The following AKAP12 variants were observed in gnomAD, a reference collection of about 807,000 sequenced individuals.
The protein encoded by AKAP12 is A-kinase anchoring protein 12.
Under a neutral mutation model 79.9 loss-of-function variants are expected in AKAP12, and 32 were observed. The observed-to-expected ratio is 0.40, with a 90% CI of 0.30 to 0.54. AKAP12 has a LOEUF of 0.54. Ranked by LOEUF, AKAP12 falls within the 20% of genes least tolerant of loss-of-function variation. The pLI, the probability that AKAP12 is intolerant of heterozygous loss-of-function variation, is 0.48. For missense variants in AKAP12, 2,074 were observed against 2,177.0 expected (o/e 0.95, Z 0.94); for synonymous variants, 808 against 857.0 (o/e 0.94, Z 1.00).
At chr6:151,337,098 A>T (rs1434486015) in intron 3 of AKAP12, among the ~76,000 whole-genome samples, 1 of 152,202 alleles carries the variant, frequency 6.6e-6, no homozygotes, top group Non-Finnish European at 1.5e-5. Flanking sequence ...AATATCGGAT[A>T]GCCTCCTCTA....
chr6:151,290,182 T>G (rs1163530424), intron 2 of AKAP12, among the ~76,000 whole-genome samples: 2 of 152,158 alleles, frequency 1.3e-5, no homozygotes, highest in African/African-American at 4.8e-5. Context: ...CTAGAATTGT[T>G]GAATTCCTTC....
At chr6:151,322,497 C>T (rs908897248) in intron 3 of AKAP12, among the ~76,000 whole-genome samples, 7 of 152,212 alleles carry the variant, frequency 4.6e-5, no homozygotes, top group South Asian at 4.1e-4. Context: ...AAGTAAACTC[C>T]GAACCTCATA....
intron 2 of AKAP12, among the ~76,000 whole-genome samples, chr6:151,259,400 A>G (rs536720133): frequency 5.3e-5 from 8 of 149,976 alleles, no homozygotes; most frequent in South Asian, 2.1e-4. Flanking sequence ...AAAAAATAGC[A>G]TATATATTTA....
At chr6:151,309,885 G>C (rs1445058637) in intron 3 of AKAP12, among the ~76,000 whole-genome samples, 1 of 151,788 alleles carries the variant, frequency 6.6e-6, no homozygotes, top group African/African-American at 2.4e-5. Flanking sequence ...TAACTAAAAA[G>C]TGCTGTCATG....
chr6:151,316,627 T>A (rs1050129089), intron 3 of AKAP12, among the ~76,000 whole-genome samples: 9 of 152,026 alleles, frequency 5.9e-5, no homozygotes, highest in Non-Finnish European at 7.4e-5. Flanking sequence ...GTGTCCAAAT[T>A]TCCTGTTCTT....
chr6:151,241,221 C>T (rs1393970526), intron 2 of AKAP12, among the ~76,000 whole-genome samples: 1 of 152,210 alleles, frequency 6.6e-6, no homozygotes, highest in East Asian at 1.9e-4. Context: ...CCCTGGATGC[C>T]AGCGGTGCCT....
In AKAP12 at chr6:151,351,100, T is replaced by C. The variant is rs1200897456; in HGVS notation, c.2709T>C (p.Ala903=). ...AAAVADGTRA[A]TIIEERSPSW... is the part of the protein sequence containing the mutation. The stretch of plus-strand genomic sequence containing the variant: ...CTGTCGCTGACGGGACGAGGGCAGC[T>C]ACCATTATTGAAGAAAGGTCTCCTT... The change falls in exon 4 of 5, where the codon GCT becomes GCC. Residue 903 remains alanine (A), a synonymous_variant. Transcript: ENST00000402676. The surrounding 1 kb of genome is among the most constrained non-coding windows in gnomAD (Gnocchi z 4.4). 3.1e-6 allele frequency: 5 copies of C among 1,614,218 alleles called. No individual in the cohort carries two copies. Among genetic ancestry groups the C allele is most frequent in the Non-Finnish European group, 4.2e-6 (5 of 1,180,038 alleles).
chr6:151,262,250 C>T lies in AKAP12; in HGVS notation c.162+21526C>T, dbSNP rs372209288. ...GATAACAGGCATGAGCCACTGCGCC[C>T]GGCCCAAAACAATGGTTTTTAGATG... On this transcript the variant is annotated intron_variant, in intron 2 of 4. Coordinates refer to ENST00000402676, the MANE Select transcript of AKAP12 (RefSeq NM_005100.4). Among the ~76,000 whole-genome samples, 161 of 152,318 alleles carry T rather than the reference C, an allele frequency of 1.1e-3. 1 individual carries two copies. Among genetic ancestry groups the T allele is most frequent in the African/African-American group, 3.6e-3 (149 of 41,570 alleles).
chr6:151,274,077 T>TG (rs1395972529), intron 2 of AKAP12, among the ~76,000 whole-genome samples: 1 of 140,344 alleles, frequency 7.1e-6, no homozygotes. Context: ...CCCTCAGTTC[T>TG]TTTTTTTTTT....
intron 2 of AKAP12, chr6:151,280,517 A>G (rs1310129923): frequency 6.6e-6 from 1 of 152,064 alleles, no homozygotes; most frequent in African/African-American, 2.4e-5. Flanking sequence ...CTGTATATAA[A>G]AATATGGAAC....
chr6:151,248,196 GAC>G (rs1797112242), intron 2 of AKAP12, among the ~76,000 whole-genome samples: 1 of 151,810 alleles, frequency 6.6e-6, no homozygotes, highest in South Asian at 2.1e-4. Context: ...GCTTTTCAAA[GAC>G]ACCCCTACAC....
chr6:151,260,894 A>C (rs1797414478), intron 2 of AKAP12, among the ~76,000 whole-genome samples: 1 of 152,160 alleles, frequency 6.6e-6, no homozygotes, highest in South Asian at 2.1e-4. Context: ...CGGGAGGCTG[A>C]CACAGGAGAA....
chr6:151,282,582 TA>T (rs1776431348), intron 2 of AKAP12, among the ~76,000 whole-genome samples: 2 of 152,264 alleles, frequency 1.3e-5, no homozygotes, highest in South Asian at 4.1e-4. Context: ...AGGTGGATGT[TA>T]ATTTCAGGAA....
At chr6:151,292,082 G>GT (rs1776635078) in intron 2 of AKAP12, among the ~76,000 whole-genome samples, 2 of 152,236 alleles carry the variant, frequency 1.3e-5, no homozygotes, top group African/African-American at 4.8e-5. Context: ...CAGGACAGTT[G>GT]TTTGTGGATT....
chr6:151,240,875 G>A (rs1237071924), intron 2 of AKAP12, 151 bp downstream of exon 2: 4 of 775,530 alleles, frequency 5.2e-6, no homozygotes, highest in African/African-American at 1.8e-5. Context: ...CTCTTTGGAG[G>A]CTTTTCAGGG....
intron 2 of AKAP12, among the ~76,000 whole-genome samples, chr6:151,279,733 A>C (rs935221256): frequency 4.6e-5 from 7 of 151,870 alleles, no homozygotes; most frequent in Admixed American, 2.0e-4. Flanking sequence ...AGTCCTAGCT[A>C]CTGGGGGGAG....
chr6:151,329,582 T>G (rs1666075446), intron 3 of AKAP12, among the ~76,000 whole-genome samples: 1 of 152,234 alleles, frequency 6.6e-6, no homozygotes, highest in Admixed American at 6.5e-5. Flanking sequence ...TAGTTCTAGA[T>G]TATTTATAAT....
At chr6:151,271,228 T>C (rs1048031345) in intron 2 of AKAP12, among the ~76,000 whole-genome samples, 1 of 152,140 alleles carries the variant, frequency 6.6e-6, no homozygotes, top group Non-Finnish European at 1.5e-5. Flanking sequence ...GTTTTAGATA[T>C]CAGACACTTC....
intron 2 of AKAP12, among the ~76,000 whole-genome samples, chr6:151,292,607 C>T (rs542288947): frequency 2.6e-5 from 4 of 152,202 alleles, no homozygotes; most frequent in African/African-American, 4.8e-5. Context: ...ACTGCAGATA[C>T]GGAAGGCTGA....
Sources: gnomAD v4.1 joint callset for allele counts (sites outside exome capture counted in the v4.1 genomes callset) on GRCh38, gnomAD v4.1.1 for gene constraint, Gnocchi (gnomAD v3.1) non-coding constraint, MANE v1.5 for transcripts, NCBI Gene and HGNC (gene_info 2026-07-23, HGNC 2026-07-21) for gene names.